Variants in MSRA observed in about 807,000 individuals in gnomAD.
MSRA encodes methionine sulfoxide reductase A, also known as mitochondrial peptide methionine sulfoxide reductase.
A neutral mutation model predicts 31.3 loss-of-function variants in MSRA; 54 were observed. The ratio of observed to expected loss-of-function variants is 1.73; its 90% CI spans 1.39 to 2.17. The LOEUF is 2.17. Among genes scored for constraint, MSRA ranks in the 30% most tolerant of loss-of-function variants. MSRA has a pLI of 0.00. For missense variants in MSRA, 507 were observed against 300.9 expected (o/e 1.69, Z -5.07); for synonymous variants, 169 against 116.5 (o/e 1.45, Z -2.90).
chr8:10,257,721 T>C (rs556187280), intron 3 of MSRA, among the ~76,000 whole-genome samples: 4 of 152,320 alleles, frequency 2.6e-5, no homozygotes, highest in African/African-American at 7.2e-5. Context: ...TACAGTTGTC[T>C]CTCCGTGTTT....
At chr8:10,407,760 C>T (rs550937802) in intron 5 of MSRA, among the ~76,000 whole-genome samples, 1 of 152,132 alleles carries the variant, frequency 6.6e-6, no homozygotes, top group Admixed American at 6.5e-5. Context: ...TGTCATTGGT[C>T]TAAACACCCC....
At chr8:10,276,450 C>G (rs932708780) in intron 3 of MSRA, among the ~76,000 whole-genome samples, 1 of 152,220 alleles carries the variant, frequency 6.6e-6, no homozygotes, top group Non-Finnish European at 1.5e-5. Flanking sequence ...CAATTCCGGC[C>G]TCACAATGCA....
chr8:10,361,309 C>G (rs777497598), intron 5 of MSRA, among the ~76,000 whole-genome samples: 1 of 152,208 alleles, frequency 6.6e-6, no homozygotes, highest in East Asian at 1.9e-4. Flanking sequence ...ATGCCTACAT[C>G]TGCCTCCACC....
intron 1 of MSRA, among the ~76,000 whole-genome samples, chr8:10,173,767 C>T (rs1235473911): frequency 2.0e-5 from 3 of 152,192 alleles, no homozygotes; most frequent in African/African-American, 7.2e-5. Flanking sequence ...TTTGGTTTCT[C>T]CTGCAGTCAT....
At chr8:10,056,148 A>G (rs971673903) in intron 1 of MSRA, among the ~76,000 whole-genome samples, 1 of 143,376 alleles carries the variant, frequency 7.0e-6, no homozygotes, top group Non-Finnish European at 1.5e-5. Context: ...AGCTTGTGCT[A>G]TACTTCCCGT....
At chr8:10,309,715 C>T (rs575579411) in intron 4 of MSRA, among the ~76,000 whole-genome samples, 10 of 152,290 alleles carry the variant, frequency 6.6e-5, no homozygotes, top group South Asian at 2.1e-4. Flanking sequence ...CTGTGGGGCT[C>T]CTCAGCCTGT....
Position 10,243,190 on chromosome 8 carries a change from G to A in MSRA, c.212-1914G>A, listed in dbSNP as rs1393301479. Reference sequence around the variant, plus strand: ...TTGAAGGATTCTGGTGCTCTCTGGTGCCATCGCTGTTAGTCGTTGTGCAGC... The same window carrying A: ...TTGAAGGATTCTGGTGCTCTCTGGTACCATCGCTGTTAGTCGTTGTGCAGC... On this transcript the variant is annotated intron_variant, in intron 2 of 5. Coordinates refer to ENST00000317173, the MANE Select transcript of MSRA (RefSeq NM_012331.5). Among the ~76,000 whole-genome samples, 7 of 152,254 alleles carry A rather than the reference G, an allele frequency of 4.6e-5. No individual in the cohort carries two copies. The East Asian group carries it at 5.8e-4, about 13-fold the overall frequency.
intron 5 of MSRA, among the ~76,000 whole-genome samples, chr8:10,420,302 G>GTT (rs1253997716): frequency 1.4e-5 from 2 of 146,616 alleles, no homozygotes; most frequent in South Asian, 2.2e-4. Flanking sequence ...AAGTTTTTTT[G>GTT]TTTTTTTTTT....
At position 10,098,649 on chromosome 8, in the gene MSRA, T is replaced by C. The variant is rs1279577991; in HGVS notation, c.142+43991T>C. On this transcript the variant is annotated intron_variant, in intron 1 of 5. Coordinates refer to ENST00000317173, the MANE Select transcript of MSRA (RefSeq NM_012331.5). ...TCACTTTTCTTGCACAATACACATA[T>C]TGTAGAGTGTGATTATAAAAAATCA... Among the ~76,000 whole-genome samples, 3 of 152,174 alleles carry C rather than the reference T, an allele frequency of 2.0e-5. No individual in the cohort carries two copies. The East Asian group carries it at 5.8e-4, about 29-fold the overall frequency.
intron 5 of MSRA, among the ~76,000 whole-genome samples, chr8:10,425,894 C>T (rs1809128083): frequency 6.6e-6 from 1 of 152,244 alleles, no homozygotes; most frequent in Non-Finnish European, 1.5e-5. Flanking sequence ...TCCCTCAGTT[C>T]TCCGAACTTG....
chr8:10,301,907 G>A (rs538016339), intron 4 of MSRA, among the ~76,000 whole-genome samples: 9 of 152,258 alleles, frequency 5.9e-5, no homozygotes, highest in South Asian at 4.1e-4. Flanking sequence ...ATAGCGATCC[G>A]TTCACCTTTG....
intron 2 of MSRA, among the ~76,000 whole-genome samples, chr8:10,239,308 T>C (rs1352310594): frequency 6.6e-6 from 1 of 152,130 alleles, no homozygotes; most frequent in Non-Finnish European, 1.5e-5. Flanking sequence ...ACTACAGGCA[T>C]GTACCACCAT....
chr8:10,414,061 C>G (rs974555238), intron 5 of MSRA, among the ~76,000 whole-genome samples: 2 of 151,864 alleles, frequency 1.3e-5, no homozygotes, highest in Admixed American at 1.3e-4. Context: ...CTGCTACTTG[C>G]GAGGTTGAGA....
chr8:10,197,194 G>T (rs1197532890), intron 1 of MSRA, among the ~76,000 whole-genome samples: 4 of 152,134 alleles, frequency 2.6e-5, no homozygotes, highest in African/African-American at 9.7e-5. Context: ...GTTAATAGTG[G>T]TGGTGAGATT....
intron 5 of MSRA, among the ~76,000 whole-genome samples, chr8:10,370,130 A>G (rs545605891): frequency 6.6e-6 from 1 of 152,324 alleles, no homozygotes; most frequent in East Asian, 1.9e-4. Context: ...CAGCTGCAAA[A>G]TGCTTCCACA....
intron 5 of MSRA, among the ~76,000 whole-genome samples, chr8:10,373,492 C>T (rs1245410242): frequency 2.0e-5 from 3 of 152,262 alleles, no homozygotes; most frequent in African/African-American, 7.2e-5. Flanking sequence ...CTGCCTTGGC[C>T]TCCGAAAGTG....
chr8:10,207,736 C>T lies in MSRA; in HGVS notation c.143-97C>T, dbSNP rs1809120887. ...GGTAAGCTTGGGTGCATTTTTAACT[C>T]AAAGGAGAAATAGGCTCATTGACAC... On this transcript the variant is annotated intron_variant, in intron 1 of 5. Transcript: ENST00000317173. The T allele has an allele frequency of 4.3e-6, 5 of 1,166,088 alleles. No individual in the cohort carries two copies. The African/African-American group carries it at 7.8e-5, about 18-fold the overall frequency. The allele number at this position is 1,166,088 out of a possible 1,614,324, so 72.2% of individuals were successfully genotyped here.
intron 5 of MSRA, among the ~76,000 whole-genome samples, chr8:10,410,947 A>G (rs1228123227): frequency 1.3e-5 from 2 of 152,076 alleles, no homozygotes; most frequent in Non-Finnish European, 2.9e-5. Flanking sequence ...CCTATGGCCT[A>G]TTTTGAATTC....
At chr8:10,149,980 A>G (rs1337057657) in intron 1 of MSRA, among the ~76,000 whole-genome samples, 1 of 53,668 alleles carries the variant, frequency 1.9e-5, no homozygotes, top group Non-Finnish European at 4.1e-5. Context: ...TTCCTCCTGA[A>G]TTTAGTTAAA....
Sources: gnomAD v4.1 joint callset for allele counts (sites outside exome capture counted in the v4.1 genomes callset) on GRCh38, gnomAD v4.1.1 for gene constraint, MANE v1.5 for transcripts, NCBI Gene and HGNC (gene_info 2026-07-23, HGNC 2026-07-21) for gene names.